Variants in STK31 observed in about 807,000 individuals in gnomAD.
STK31 encodes the protein serine/threonine kinase 31.
A neutral mutation model predicts 129.7 loss-of-function variants in STK31; 89 were observed. The ratio of observed to expected loss-of-function variants is 0.69; its 90% CI spans 0.58 to 0.82. The LOEUF is 0.82. Among genes scored for constraint, STK31 ranks in the 40% least tolerant of loss-of-function variants. The pLI is 0.00. For missense variants in STK31, 1,187 were observed against 1,176.4 expected (o/e 1.01, Z -0.13); for synonymous variants, 448 against 395.3 (o/e 1.13, Z -1.58).
chr7:23,764,352 C>G (rs926026013), intron 11 of STK31, among the ~76,000 whole-genome samples: 1 of 152,144 alleles, frequency 6.6e-6, no homozygotes, highest in Non-Finnish European at 1.5e-5. Flanking sequence ...TTTGCCTTAA[C>G]TGGCTTGTCT....
At chr7:23,805,812 A>G (rs779275752) in intron 22 of STK31, among the ~76,000 whole-genome samples, 1 of 152,200 alleles carries the variant, frequency 6.6e-6, no homozygotes, top group Non-Finnish European at 1.5e-5. Context: ...GGACATTATT[A>G]TGTCTCTTTA....
intron 6 of STK31, among the ~76,000 whole-genome samples, chr7:23,729,617 T>C (rs903923759): frequency 3.3e-5 from 5 of 151,974 alleles, no homozygotes; most frequent in African/African-American, 1.2e-4. Context: ...TTCAAGCAAT[T>C]CTTCTGCCTC....
intron 11 of STK31, among the ~76,000 whole-genome samples, chr7:23,765,847 A>G (rs1789790991): frequency 6.6e-6 from 1 of 151,774 alleles, no homozygotes; most frequent in Non-Finnish European, 1.5e-5. Context: ...GTGCCCGGCC[A>G]CTCTTCTAAT....
intron 23 of STK31, among the ~76,000 whole-genome samples, chr7:23,830,081 C>T (rs1188161728): frequency 6.6e-5 from 10 of 152,042 alleles, no homozygotes; most frequent in Non-Finnish European, 1.2e-4. Context: ...TTCCACGTAG[C>T]TGGGACTACA....
At chr7:23,718,221 A>G (rs1293758389) in intron 4 of STK31, among the ~76,000 whole-genome samples, 1 of 152,188 alleles carries the variant, frequency 6.6e-6, no homozygotes, top group African/African-American at 2.4e-5. Flanking sequence ...CTGGCACTGT[A>G]TTAAGCATTA....
intron 23 of STK31, among the ~76,000 whole-genome samples, chr7:23,816,969 T>C (rs1366909674): frequency 6.6e-6 from 1 of 152,076 alleles, no homozygotes; most frequent in Non-Finnish European, 1.5e-5. Flanking sequence ...GCAGATCAAC[T>C]GAGGTCAGAA....
intron 6 of STK31, among the ~76,000 whole-genome samples, chr7:23,730,878 A>ATATATATATTTTTTTTTTT: frequency 1.7e-5 from 1 of 59,552 alleles, no homozygotes; most frequent in Non-Finnish European, 3.3e-5. Flanking sequence ...ATATATATAT[A>ATATATATATTTTTTTTTTT]TTTTTTTTTT....
At chr7:23,800,868 T>A (rs1327480155) in intron 22 of STK31, among the ~76,000 whole-genome samples, 2 of 152,204 alleles carry the variant, frequency 1.3e-5, no homozygotes, top group African/African-American at 4.8e-5. Context: ...CTTTTGTGAT[T>A]CATTCAAGTT....
intron 10 of STK31, among the ~76,000 whole-genome samples, chr7:23,755,789 G>A (rs188802823): frequency 2.6e-5 from 4 of 152,134 alleles, no homozygotes; most frequent in Admixed American, 2.0e-4. Context: ...CAGGTTTGTC[G>A]AAGATCAGAT....
At chr7:23,747,288 A>G (rs957179768) in intron 8 of STK31, among the ~76,000 whole-genome samples, 3 of 152,178 alleles carry the variant, frequency 2.0e-5, no homozygotes, top group Non-Finnish European at 4.4e-5. Context: ...GAACTTATAT[A>G]GGCCTGACAT....
intron 11 of STK31, among the ~76,000 whole-genome samples, chr7:23,768,105 C>G (rs1383024000): frequency 1.3e-5 from 2 of 152,046 alleles, no homozygotes; most frequent in African/African-American, 4.8e-5. Context: ...TAAGTACAGT[C>G]AAGGGCTGCA....
chr7:23,829,279 T>C (rs1246296774), intron 23 of STK31, among the ~76,000 whole-genome samples: 1 of 152,132 alleles, frequency 6.6e-6, no homozygotes, highest in Non-Finnish European at 1.5e-5. Flanking sequence ...ATAGGCTTTA[T>C]TTTGTTGAGG....
At chr7:23,786,684 C>G (rs1562601743) in intron 19 of STK31, 51 bp downstream of exon 19, 1 of 1,582,054 alleles carries the variant, frequency 6.3e-7, no homozygotes. Context: ...CTTGCAGAAA[C>G]TATTTTATTT....
intron 16 of STK31, 116 bp from the exon 17 acceptor site, chr7:23,783,467 A>T: frequency 1.6e-6 from 1 of 632,558 alleles, no homozygotes; most frequent in Middle Eastern, 3.4e-4. Flanking sequence ...ATCAGTGATT[A>T]TGTATCTTAC....
intron 4 of STK31, 58 bp from the exon 5 acceptor site, chr7:23,727,183 C>T (rs1225801718): frequency 1.2e-5 from 17 of 1,394,156 alleles, no homozygotes; most frequent in Non-Finnish European, 1.6e-5. Context: ...AACCTTTATT[C>T]TGATCTGTTC....
chr7:23,828,868 A>G (rs12671779), intron 23 of STK31, among the ~76,000 whole-genome samples: 37,603 of 151,758 alleles, frequency 0.25, 4,850 homozygotes, highest in South Asian at 0.34. Context: ...CCAGTTCTTT[A>G]GAGGAATGTT....
chr7:23,790,840 T>G lies in STK31; in HGVS notation c.2654T>G (p.Val885Gly). 1.3e-6 allele frequency: 2 copies of G among 1,598,886 alleles called. No individual in the cohort carries two copies. Among genetic ancestry groups the G allele is most frequent in the Non-Finnish European group, 1.7e-6 (2 of 1,175,238 alleles). ...TTTTTGCAGAGTCAGCGAGCCTCGGTGAACATGATGGTTGGTGACTTGAGT... is the reference window on the plus strand; with the variant it reads ...TTTTTGCAGAGTCAGCGAGCCTCGGGGAACATGATGGTTGGTGACTTGAGT... Reference protein sequence around the residue: ...FTKSVSQRASVNMMVGDLSLM... With the variant: ...FTKSVSQRASGNMMVGDLSLM... Residue 885 changes from valine (V) to glycine (G), a missense_variant, in exon 22 of 24, where the codon GTG (valine) becomes GGG (glycine). Val to Gly is a moderately radical substitution (Grantham distance 109). Around this residue, in one of 5 missense-constraint regions of STK31, gnomAD observed 975 missense variants for 934.9 expected, o/e 1.04. Coordinates refer to ENST00000355870, the MANE Select transcript of STK31 (RefSeq NM_031414.5).
chr7:23,793,409 GA>G (rs1286891445), intron 22 of STK31, among the ~76,000 whole-genome samples: 2 of 152,098 alleles, frequency 1.3e-5, no homozygotes, highest in East Asian at 3.8e-4. Context: ...CATCAAAATG[GA>G]AAACCTTGCT....
At chr7:23,725,178 A>C (rs1301888335) in intron 4 of STK31, among the ~76,000 whole-genome samples, 1 of 151,748 alleles carries the variant, frequency 6.6e-6, no homozygotes, top group African/African-American at 2.4e-5. Flanking sequence ...AAGATTTCCA[A>C]CTCTCCATAA....
Sources: allele counts gnomAD v4.1 joint callset (sites outside exome capture counted in the v4.1 genomes callset), GRCh38; gene constraint gnomAD v4.1.1; regional missense constraint gnomAD v4.1.1; transcripts MANE v1.5; gene names NCBI Gene and HGNC (gene_info 2026-07-23, HGNC 2026-07-21).